The following PRDM16 variants were observed in gnomAD, a reference collection of about 807,000 sequenced individuals.
PRDM16 encodes histone-lysine N-methyltransferase PRDM16.
Under a neutral mutation model 110.6 loss-of-function variants are expected in PRDM16, and 23 were observed. The observed-to-expected ratio is 0.21, with a 90% CI of 0.15 to 0.29. The LOEUF is 0.29. PRDM16 is among the 10% of genes least tolerant of loss of function. The pLI is 1.00. For missense variants in PRDM16, 1,615 were observed against 1,794.3 expected, an observed-to-expected ratio of 0.90 and a Z score of 1.81; for synonymous variants, 799 against 781.8, an observed-to-expected ratio of 1.02 and a Z score of -0.37.
At chr1:3,110,145 C>G (rs1057283093) in intron 1 of PRDM16, among the ~76,000 whole-genome samples, 1 of 145,084 alleles carries the variant, frequency 6.9e-6, no homozygotes, top group African/African-American at 2.6e-5. Flanking sequence ...GTCTGCGGCT[C>G]CCCCATGTCC....
chr1:3,137,775 G>A (rs1025030914), intron 1 of PRDM16, among the ~76,000 whole-genome samples: 2 of 152,256 alleles, frequency 1.3e-5, no homozygotes, highest in African/African-American at 4.8e-5. Flanking sequence ...CTCCTGCACA[G>A]GAGCGCACTG....
At chr1:3,423,042 C>T (rs1638483937) in intron 12 of PRDM16, among the ~76,000 whole-genome samples, 1 of 152,216 alleles carries the variant, frequency 6.6e-6, no homozygotes, top group African/African-American at 2.4e-5. Context: ...GTTGAAGAGG[C>T]CAGAGTGAGC....
chr1:3,244,265 C>T lies in PRDM16; in HGVS notation c.438+128C>T. Reference sequence around the variant, plus strand: ...CGGAATGTTGCTGGCAGGCCCCGAGCAATGTGTTATCTGTGGACTGACGTG... The same window carrying T: ...CGGAATGTTGCTGGCAGGCCCCGAGTAATGTGTTATCTGTGGACTGACGTG... On this transcript the variant is annotated intron_variant, in intron 3 of 16. Coordinates refer to ENST00000270722, the MANE Select transcript of PRDM16 (RefSeq NM_022114.4). This position sits in a 1 kb window ranked among gnomAD's most constrained non-coding sequence, Gnocchi z 4.1. 1 of 848,934 alleles carries T rather than the reference C, an allele frequency of 1.2e-6. No individual in the cohort carries two copies. 52.6% of individuals were successfully genotyped at this position (848,934 alleles called of 1,614,324 possible).
At chr1:3,319,362 T>C (rs1641687351) in intron 3 of PRDM16, among the ~76,000 whole-genome samples, 1 of 152,226 alleles carries the variant, frequency 6.6e-6, no homozygotes, top group African/African-American at 2.4e-5. Flanking sequence ...TATTCTGACG[T>C]CCTTGGGTAT....
chr1:3,224,546 C>G (rs192061372), intron 2 of PRDM16, among the ~76,000 whole-genome samples: 4 of 152,234 alleles, frequency 2.6e-5, no homozygotes, highest in African/African-American at 7.2e-5. Context: ...CCCTTCCACA[C>G]GCGCTCGGGG....
intron 3 of PRDM16, among the ~76,000 whole-genome samples, chr1:3,276,777 T>C (rs920443373): frequency 2.3e-5 from 3 of 133,084 alleles, no homozygotes; most frequent in African/African-American, 3.3e-5. Flanking sequence ...CCAGCCGCCT[T>C]GTAAATCACC....
intron 4 of PRDM16, among the ~76,000 whole-genome samples, chr1:3,391,393 G>A (rs188302066): frequency 4.7e-4 from 72 of 152,264 alleles, no homozygotes; most frequent in African/African-American, 1.5e-3. Context: ...CAACTGTGCC[G>A]TCTGAACCGC....
At position 3,190,132 on chromosome 1, in the gene PRDM16, C is replaced by T. The variant is rs888790202; in HGVS notation, c.387+3658C>T. Among the ~76,000 whole-genome samples the T allele has an allele frequency of 2.0e-5, 3 of 151,960 alleles. No individual in the cohort carries two copies. The highest frequency in any genetic ancestry group is 6.6e-5 in the Admixed American group (1 of 15,256). ...GGGATGAGAGATGGGGCGGGCAGCA[C>T]GTGAGGCACCCACGAGCTTTGGGTT... is the stretch of plus-strand genomic sequence containing the variant. On this transcript the variant is annotated intron_variant, in intron 2 of 16. Coordinates refer to ENST00000270722, the MANE Select transcript of PRDM16 (RefSeq NM_022114.4). The surrounding 1 kb of genome is among the most constrained non-coding windows in gnomAD (Gnocchi z 5.0).
chr1:3,135,297 G>A (rs1643413959), intron 1 of PRDM16, among the ~76,000 whole-genome samples: 2 of 152,190 alleles, frequency 1.3e-5, no homozygotes, highest in African/African-American at 4.8e-5. Flanking sequence ...GAGGTCTGCG[G>A]TGGGGGCAGG....
intron 1 of PRDM16, among the ~76,000 whole-genome samples, chr1:3,180,763 A>G (rs781274626): frequency 7.4e-6 from 1 of 134,556 alleles, no homozygotes; most frequent in Non-Finnish European, 1.6e-5. Context: ...AGCGTTTCCC[A>G]ACCCAGAGGC....
chr1:3,377,386 G>T (rs992880290), intron 3 of PRDM16, among the ~76,000 whole-genome samples: 1 of 152,240 alleles, frequency 6.6e-6, no homozygotes, highest in Admixed American at 6.5e-5. Flanking sequence ...CGGGGCCGGC[G>T]GCTGGCCATG....
chr1:3,080,393 G>A lies in PRDM16; in HGVS notation c.37+11097G>A, dbSNP rs1164019519. ...GATTTACGGCCGACCCGCGCTTTCCGATCGGTTTCTCTACCCCGGCCCATC... is the reference window on the plus strand; with the variant it reads ...GATTTACGGCCGACCCGCGCTTTCCAATCGGTTTCTCTACCCCGGCCCATC... On this transcript the variant is annotated intron_variant, in intron 1 of 16. Coordinates refer to ENST00000270722, the MANE Select transcript of PRDM16 (RefSeq NM_022114.4). The surrounding 1 kb of genome is among the most constrained non-coding windows in gnomAD (Gnocchi z 5.2). Among the ~76,000 whole-genome samples, 2 of 152,150 alleles carry A rather than the reference G, an allele frequency of 1.3e-5. No homozygotes were observed.
chr1:3,150,860 C>T (rs1342453452), intron 1 of PRDM16, among the ~76,000 whole-genome samples: 2 of 114,020 alleles, frequency 1.8e-5, no homozygotes, highest in South Asian at 3.4e-4. Flanking sequence ...CTATGGAGGC[C>T]GGGTGGGGGC....
At chr1:3,106,812 G>A (rs1642668557) in intron 1 of PRDM16, among the ~76,000 whole-genome samples, 1 of 152,180 alleles carries the variant, frequency 6.6e-6, no homozygotes, top group African/African-American at 2.4e-5. Context: ...TGGAAGGTAA[G>A]GGCAGAGGGC....
intron 1 of PRDM16, among the ~76,000 whole-genome samples, chr1:3,079,409 G>C (rs1641971044): frequency 6.6e-6 from 1 of 152,200 alleles, no homozygotes; most frequent in Non-Finnish European, 1.5e-5. Flanking sequence ...GGATCCTGCG[G>C]TTGCAGGGCT....
chr1:3,403,102 C>A, intron 6 of PRDM16, 104 bp downstream of exon 6: 3 of 1,001,332 alleles, frequency 3.0e-6, no homozygotes, highest in Non-Finnish European at 4.5e-6. Context: ...TCCCTTCCCC[C>A]GCCTCGCCCC....
At chr1:3,236,964 T>G (rs1320163450) in intron 2 of PRDM16, among the ~76,000 whole-genome samples, 1 of 152,108 alleles carries the variant, frequency 6.6e-6, no homozygotes, top group Non-Finnish European at 1.5e-5. Flanking sequence ...TGAGGAGAGC[T>G]AGACAGGTCC....
intron 9 of PRDM16, among the ~76,000 whole-genome samples, chr1:3,413,261 C>T (rs1643725162): frequency 6.6e-6 from 1 of 152,018 alleles, no homozygotes. Flanking sequence ...TGGTGCGCTC[C>T]TGCCCCTGGA....
chr1:3,140,362 C>T (rs965634664), intron 1 of PRDM16, among the ~76,000 whole-genome samples: 2 of 152,146 alleles, frequency 1.3e-5, no homozygotes, highest in African/African-American at 2.4e-5. Flanking sequence ...GGGGGTCTCA[C>T]ATAGGGCCCC....
Sources: gnomAD v4.1 joint callset for allele counts (sites outside exome capture counted in the v4.1 genomes callset) on GRCh38, gnomAD v4.1.1 for gene constraint, Gnocchi (gnomAD v3.1) non-coding constraint, MANE v1.5 for transcripts, NCBI Gene and HGNC (gene_info 2026-07-23, HGNC 2026-07-21) for gene names.